NRXN3: variants seen among roughly 807,000 people sequenced by gnomAD.
NRXN3 encodes the protein neurexin 3, also known as neurexin III.
NRXN3 carries 32 observed loss-of-function variants against 137.6 expected under a neutral mutation model. That is an observed-to-expected ratio of 0.23 (90% CI 0.18 to 0.31). The LOEUF (loss-of-function observed/expected upper bound fraction) is 0.31, where lower values mean the gene tolerates loss of function less well. Ranked by LOEUF, NRXN3 falls within the 10% of genes least tolerant of loss-of-function variation. The probability of loss-of-function intolerance (pLI) is 1.00; values close to 1 mark genes in which losing one functional copy is unlikely to be tolerated. For missense variants in NRXN3, 1,574 were observed against 2,062.5 expected (o/e 0.76, Z 4.59); for synonymous variants, 798 against 784.5 (o/e 1.02, Z -0.29).
At chr14:79,179,084 CT>C (rs2062655466) in intron 15 of NRXN3, among the ~76,000 whole-genome samples, 1 of 152,206 alleles carries the variant, frequency 6.6e-6, no homozygotes, top group Admixed American at 6.5e-5. Context: ...CTTCTTGCAT[CT>C]GCTGATAGCA....
At chr14:78,482,790 C>T (rs369123131) in intron 4 of NRXN3, among the ~76,000 whole-genome samples, 1 of 152,196 alleles carries the variant, frequency 6.6e-6, no homozygotes, top group Non-Finnish European at 1.5e-5. Context: ...TTTAAAGGCA[C>T]AGGTGTCAGA....
intron 4 of NRXN3, among the ~76,000 whole-genome samples, chr14:78,584,650 T>G (rs1033967590): frequency 4.6e-5 from 7 of 152,230 alleles, no homozygotes; most frequent in Non-Finnish European, 1.0e-4. Flanking sequence ...AAGCACTGCT[T>G]TGGGAGTCAT....
intron 10 of NRXN3, among the ~76,000 whole-genome samples, chr14:78,918,199 C>T (rs952613980): frequency 6.9e-6 from 1 of 145,222 alleles, no homozygotes; most frequent in Non-Finnish European, 1.5e-5. Context: ...GCGGGAGAAT[C>T]GCTTGAACCT....
intron 17 of NRXN3, among the ~76,000 whole-genome samples, chr14:79,665,556 T>C (rs376568528): frequency 6.6e-6 from 1 of 152,202 alleles, no homozygotes; most frequent in South Asian, 2.1e-4. Flanking sequence ...CATAGGCTCA[T>C]AGAAAAAAAT....
intron 4 of NRXN3, among the ~76,000 whole-genome samples, chr14:78,390,952 G>T (rs2090671832): frequency 6.6e-6 from 1 of 151,960 alleles, no homozygotes; most frequent in Admixed American, 6.6e-5. Context: ...CCCCCGACAG[G>T]CCCCAGTGAG....
intron 6 of NRXN3, among the ~76,000 whole-genome samples, chr14:78,696,002 G>A (rs1463846014): frequency 6.6e-6 from 1 of 152,044 alleles, no homozygotes; most frequent in Non-Finnish European, 1.5e-5. Context: ...CCTTGGAGGA[G>A]TCTTCCTCAA....
At chr14:78,673,452 G>A (rs1367327128) in intron 6 of NRXN3, among the ~76,000 whole-genome samples, 1 of 152,210 alleles carries the variant, frequency 6.6e-6, no homozygotes, top group African/African-American at 2.4e-5. Context: ...GAGGTTATAG[G>A]AGTCAGGTGG....
chr14:78,562,998 A>G (rs1030408767), intron 4 of NRXN3, among the ~76,000 whole-genome samples: 3 of 152,152 alleles, frequency 2.0e-5, no homozygotes, highest in Admixed American at 6.5e-5. Flanking sequence ...TGGTGTCTGG[A>G]TGAGATGGGA....
chr14:78,977,980 C>G (rs1032185945), intron 14 of NRXN3, among the ~76,000 whole-genome samples: 9 of 152,040 alleles, frequency 5.9e-5, no homozygotes, highest in African/African-American at 1.9e-4. Context: ...ATAAAGATAC[C>G]ATGAAGCCAT....
chr14:79,485,401 A>G (rs966789567), intron 16 of NRXN3, among the ~76,000 whole-genome samples: 3 of 152,088 alleles, frequency 2.0e-5, no homozygotes, highest in South Asian at 2.1e-4. Flanking sequence ...GCTTTAGGCC[A>G]TTGCTTCAAG....
intron 15 of NRXN3, among the ~76,000 whole-genome samples, chr14:79,228,794 TAGAC>T (rs1036023061): frequency 7.2e-5 from 11 of 152,334 alleles, no homozygotes; most frequent in African/African-American, 2.6e-4. Flanking sequence ...TATAAAAAAT[TAGAC>T]AGTCATTTAG....
intron 4 of NRXN3, among the ~76,000 whole-genome samples, chr14:78,488,712 A>T (rs1343304048): frequency 6.7e-6 from 1 of 148,528 alleles, no homozygotes; most frequent in East Asian, 2.1e-4. Context: ...AAAGAGGGAG[A>T]TGGAGAAATA....
intron 4 of NRXN3, among the ~76,000 whole-genome samples, chr14:78,500,462 A>G (rs1402318815): frequency 7.2e-5 from 11 of 152,134 alleles, no homozygotes; most frequent in South Asian, 2.1e-4. Context: ...GGGAGCTCCT[A>G]TTTAAAGGAA....
Position 79,861,622 on chromosome 14 carries a change from C to T in NRXN3, c.4374C>T (p.Ser1458=), listed in dbSNP as rs1010909380. 1 of 1,613,952 alleles carries T rather than the reference C, an allele frequency of 6.2e-7. No homozygotes were observed. The highest frequency in any genetic ancestry group is 1.3e-5 in the African/African-American group (1 of 75,024). Residue 1458 remains serine (S), a synonymous_variant, in exon 21 of 21, where the codon AGC becomes AGT. Transcript: ENST00000335750. This position sits in a 1 kb window ranked among gnomAD's most constrained non-coding sequence, Gnocchi z 5.4. The part of the protein sequence containing the change: ...AYELDSTKLK[S]PLITSPMFRN... ...AGCTAGACAGCACCAAACTGAAGAG[C>T]CCACTAATTACTTCCCCCATGTTCC...
chr14:78,649,384 C>A (rs773489695), intron 5 of NRXN3: 19 of 510,792 alleles, frequency 3.7e-5, no homozygotes, highest in Non-Finnish European at 5.1e-5. Flanking sequence ...TCCAACCCCC[C>A]CTTTTATCCT....
chr14:78,379,877 G>T (rs776657027), intron 4 of NRXN3, among the ~76,000 whole-genome samples: 15 of 152,172 alleles, frequency 9.9e-5, no homozygotes, highest in Non-Finnish European at 2.1e-4. Context: ...GAGCTAACAG[G>T]TAAGTTCAGC....
At chr14:79,030,165 G>A (rs1347885072) in intron 15 of NRXN3, among the ~76,000 whole-genome samples, 1 of 150,844 alleles carries the variant, frequency 6.6e-6, no homozygotes, top group East Asian at 2.0e-4. Flanking sequence ...GCAGGTGTGA[G>A]CCACCACGCC....
intron 15 of NRXN3, among the ~76,000 whole-genome samples, chr14:79,028,377 T>G (rs941201056): frequency 6.6e-6 from 1 of 152,162 alleles, no homozygotes; most frequent in Non-Finnish European, 1.5e-5. Flanking sequence ...ACATCTTATC[T>G]GCACTGCAGT....
chr14:78,967,408 G>C lies in NRXN3; in HGVS notation c.2968+10G>C, dbSNP rs376218821. 19 of 1,604,674 alleles carry C rather than the reference G, an allele frequency of 1.2e-5. No homozygotes were observed. In the African/African-American group the frequency reaches 2.0e-4, roughly 17 times the overall value. On this transcript the variant is annotated intron_variant, in intron 13 of 20. Transcript: ENST00000335750. ...AATCTGGATTTGAAAGGTAAACCTTGTAAAGAAATTTAGTTTTTAATAGAG... is the reference window on the plus strand; with the variant it reads ...AATCTGGATTTGAAAGGTAAACCTTCTAAAGAAATTTAGTTTTTAATAGAG...
Sources: gnomAD v4.1 joint callset for allele counts (sites outside exome capture counted in the v4.1 genomes callset) on GRCh38, gnomAD v4.1.1 for gene constraint, Gnocchi (gnomAD v3.1) non-coding constraint, MANE v1.5 for transcripts, NCBI Gene and HGNC (gene_info 2026-07-23, HGNC 2026-07-21) for gene names.